Variants in SLC26A7 observed in about 807,000 individuals in gnomAD.
SLC26A7 encodes solute carrier family 26 member 7, also known as anion exchange transporter.
In SLC26A7, 59 loss-of-function variants were observed where a neutral mutation model predicts 82.5. The ratio of observed to expected loss-of-function variants is 0.72; its 90% CI spans 0.58 to 0.89. The LOEUF is 0.89. SLC26A7 is among the 40% of genes least tolerant of loss of function. The pLI, the probability that SLC26A7 is intolerant of heterozygous loss-of-function variation, is 0.00. For synonymous variants in SLC26A7, 271 were observed against 274.3 expected (o/e 0.99, Z 0.12); for missense variants, 820 against 793.0 (o/e 1.03, Z -0.41).
intron 4 of SLC26A7, among the ~76,000 whole-genome samples, chr8:91,311,264 G>C (rs537886397): frequency 6.6e-6 from 1 of 152,122 alleles, no homozygotes; most frequent in African/African-American, 2.4e-5. Context: ...TGTCTGAAAA[G>C]ACTACATATT....
intron 4 of SLC26A7, among the ~76,000 whole-genome samples, chr8:91,311,680 G>A (rs778709017): frequency 6.6e-6 from 1 of 152,074 alleles, no homozygotes; most frequent in Non-Finnish European, 1.5e-5. Context: ...AACGAACATG[G>A]CATCACAAAA....
At chr8:91,233,483 C>G (rs1810342400) in intron 2 of SLC26A7, among the ~76,000 whole-genome samples, 1 of 151,978 alleles carries the variant, frequency 6.6e-6, no homozygotes, top group Admixed American at 6.6e-5. Flanking sequence ...AGGAGAATCA[C>G]TTGAACCTGG....
At chr8:91,286,589 A>G (rs940455631) in intron 2 of SLC26A7, among the ~76,000 whole-genome samples, 14 of 152,314 alleles carry the variant, frequency 9.2e-5, no homozygotes, top group Admixed American at 7.8e-4. Context: ...ATTAAGTTAC[A>G]TAAGTATCTG....
chr8:91,388,454 G>A (rs1814863506), intron 15 of SLC26A7, among the ~76,000 whole-genome samples: 2 of 152,106 alleles, frequency 1.3e-5, no homozygotes, highest in South Asian at 4.1e-4. Context: ...CTTTTATGTA[G>A]CCACTATACA....
chr8:91,257,627 A>T (rs998963683), intron 2 of SLC26A7, among the ~76,000 whole-genome samples: 1 of 149,394 alleles, frequency 6.7e-6, no homozygotes, highest in African/African-American at 2.5e-5. Context: ...TAAAAAAATA[A>T]AAAAAAAACA....
chr8:91,227,574 C>T (rs747843918), intron 2 of SLC26A7, among the ~76,000 whole-genome samples: 5 of 152,062 alleles, frequency 3.3e-5, no homozygotes, highest in East Asian at 1.9e-4. Flanking sequence ...CTCAATATTA[C>T]GAACAACTTT....
At chr8:91,382,838 A>G (rs1814702928) in intron 15 of SLC26A7, among the ~76,000 whole-genome samples, 1 of 152,224 alleles carries the variant, frequency 6.6e-6, no homozygotes, top group South Asian at 2.1e-4. Context: ...CTCAATAACT[A>G]AAATAGGTAA....
At chr8:91,280,086 C>A (rs975950038) in intron 2 of SLC26A7, among the ~76,000 whole-genome samples, 2 of 152,128 alleles carry the variant, frequency 1.3e-5, no homozygotes, top group African/African-American at 4.8e-5. Flanking sequence ...CTTTGCTGTG[C>A]AGAAGCTTTT....
rs536845141 is a variant in SLC26A7 at position 91,325,430 on chromosome 8, G to A, written c.642+7050G>A. 3.3e-5 allele frequency among the ~76,000 whole-genome samples: 5 copies of A among 152,094 alleles called. No individual in the cohort carries two copies. In the South Asian group the frequency reaches 6.2e-4, roughly 19 times the overall value. On this transcript the variant is annotated intron_variant, in intron 5 of 18. Coordinates refer to ENST00000276609, the MANE Select transcript of SLC26A7 (RefSeq NM_052832.4). ...TGAAAATTCCTCTCCCTTCAGGAACGGAGGGTGAAGGCACTGTATAGATAC... is the reference window on the plus strand; with the variant it reads ...TGAAAATTCCTCTCCCTTCAGGAACAGAGGGTGAAGGCACTGTATAGATAC...
At chr8:91,304,352 T>C (rs1453491579) in intron 4 of SLC26A7, among the ~76,000 whole-genome samples, 1 of 152,080 alleles carries the variant, frequency 6.6e-6, no homozygotes, top group African/African-American at 2.4e-5. Flanking sequence ...GATAGTGAGT[T>C]CCCATGAGAT....
rs138537776 is a variant in SLC26A7 at position 91,289,928 on chromosome 8, T to C, written c.304+682T>C. On this transcript the variant is annotated intron_variant, in intron 3 of 18. Transcript: ENST00000276609. ...AGATAAACCTGGGTGCATATCTTATTTGTTGTTTGCTATTTACATGGTCTT... is the reference window on the plus strand; with the variant it reads ...AGATAAACCTGGGTGCATATCTTATCTGTTGTTTGCTATTTACATGGTCTT... 4.6e-5 allele frequency among the ~76,000 whole-genome samples: 7 copies of C among 152,246 alleles called. No individual in the cohort carries two copies. In the East Asian group the frequency reaches 1.4e-3, roughly 29 times the overall value.
At chr8:91,390,201 C>T (rs1410949749) in intron 16 of SLC26A7, among the ~76,000 whole-genome samples, 1 of 149,142 alleles carries the variant, frequency 6.7e-6, no homozygotes, top group African/African-American at 2.5e-5. Flanking sequence ...AATACAAACT[C>T]TGCCTCCTGG....
chr8:91,291,298 G>A (rs762412497), intron 3 of SLC26A7, among the ~76,000 whole-genome samples: 3 of 152,052 alleles, frequency 2.0e-5, no homozygotes, highest in Non-Finnish European at 2.9e-5. Context: ...ACCCAGGTGC[G>A]ACCAAATCTA....
At chr8:91,227,221 A>G (rs927695899) in intron 2 of SLC26A7, among the ~76,000 whole-genome samples, 3 of 152,250 alleles carry the variant, frequency 2.0e-5, no homozygotes, top group Non-Finnish European at 4.4e-5. Context: ...TGATGAAGTT[A>G]AAGCAACTGG....
intron 2 of SLC26A7, among the ~76,000 whole-genome samples, chr8:91,244,023 C>T (rs900262690): frequency 3.3e-5 from 5 of 152,158 alleles, no homozygotes; most frequent in African/African-American, 1.2e-4. Flanking sequence ...TCATAATCTT[C>T]CAATATATAC....
intron 11 of SLC26A7, chr8:91,357,401 C>T (rs1228293674): frequency 6.6e-6 from 1 of 152,016 alleles, no homozygotes; most frequent in Admixed American, 6.6e-5. Context: ...TTTTTCCCTT[C>T]TATGTTCACA....
At chr8:91,322,939 A>G (rs546745496) in intron 5 of SLC26A7, among the ~76,000 whole-genome samples, 2 of 152,348 alleles carry the variant, frequency 1.3e-5, no homozygotes, top group South Asian at 4.1e-4. Flanking sequence ...AGGGGAACCA[A>G]GAATGTTAAT....
At chr8:91,270,926 C>T (rs1811250075) in intron 2 of SLC26A7, among the ~76,000 whole-genome samples, 2 of 152,128 alleles carry the variant, frequency 1.3e-5, no homozygotes, top group South Asian at 4.1e-4. Context: ...TTTCTGCTAA[C>T]CAGCACCACT....
intron 2 of SLC26A7, among the ~76,000 whole-genome samples, chr8:91,236,480 A>G (rs949394670): frequency 2.6e-5 from 4 of 152,216 alleles, no homozygotes; most frequent in African/African-American, 9.7e-5. Context: ...TTAATGAGAC[A>G]AAATGAGATG....
Sources: gnomAD v4.1 joint callset for allele counts (sites outside exome capture counted in the v4.1 genomes callset) on GRCh38, gnomAD v4.1.1 for gene constraint, MANE v1.5 for transcripts, NCBI Gene and HGNC (gene_info 2026-07-23, HGNC 2026-07-21) for gene names.